CPB2: variants seen among roughly 807,000 people sequenced by gnomAD.
The protein encoded by CPB2 is carboxypeptidase B2, also known as carboxypeptidase B-like protein.
CPB2 carries 54 observed loss-of-function variants against 57.0 expected under a neutral mutation model. The ratio of observed to expected loss-of-function variants is 0.95; its 90% CI spans 0.76 to 1.19. CPB2 has a LOEUF of 1.19. Ranked by LOEUF, CPB2 falls within the 50% of genes most tolerant of loss-of-function variation. CPB2 has a pLI of 0.00. For missense variants in CPB2, 426 were observed against 512.0 expected (o/e 0.83, Z 1.62); for synonymous variants, 189 against 178.1 (o/e 1.06, Z -0.49).
At chr13:46,080,923 A>C (rs891915316) in intron 4 of CPB2, among the ~76,000 whole-genome samples, 1 of 150,968 alleles carries the variant, frequency 6.6e-6, no homozygotes, top group Non-Finnish European at 1.5e-5. Flanking sequence ...AGTGAGCCAA[A>C]ATCATGCTAT....
At chr13:46,090,698 A>G (rs2045279864) in intron 1 of CPB2, among the ~76,000 whole-genome samples, 1 of 148,640 alleles carries the variant, frequency 6.7e-6, no homozygotes, top group Non-Finnish European at 1.5e-5. Flanking sequence ...CAAAAGTTTT[A>G]CAATTTTATC....
intron 10 of CPB2, 43 bp downstream of exon 10, chr13:46,055,719 T>C (rs527987522): frequency 8.5e-7 from 1 of 1,175,874 alleles, no homozygotes; most frequent in African/African-American, 1.5e-5. Context: ...CAGATTTCTT[T>C]AGTAGCTCAA....
At chr13:46,060,391 G>A (rs552773441) in intron 8 of CPB2, among the ~76,000 whole-genome samples, 1 of 151,856 alleles carries the variant, frequency 6.6e-6, no homozygotes, top group South Asian at 2.1e-4. Flanking sequence ...GAACCCAGGA[G>A]GCAGAGGTTG....
At chr13:46,099,304 G>T (rs2045405147) in intron 1 of CPB2, 1 of 152,202 alleles carries the variant, frequency 6.6e-6, no homozygotes, top group Admixed American at 6.5e-5. Flanking sequence ...GAATGGCAGG[G>T]TAGGACCTGA....
In CPB2 at chr13:46,055,853, G is replaced by A. The variant is rs1050978202; in HGVS notation, c.1000-4C>T. 4 of 1,534,124 alleles carry A rather than the reference G, an allele frequency of 2.6e-6. No homozygotes were observed. The highest frequency in any genetic ancestry group is 1.4e-5 in the African/African-American group (1 of 72,290). On this transcript the variant is annotated splice_polypyrimidine_tract_variant and splice_region_variant and intron_variant, in intron 9 of 10. Transcript: ENST00000181383. ...CTGCTTCACTGGCTACTAGAGACTG[G>A]AAGCAACAAGATATAGAATTTCAGT...
chr13:46,082,162 T>C (rs1449513513), intron 4 of CPB2, among the ~76,000 whole-genome samples: 1 of 152,220 alleles, frequency 6.6e-6, no homozygotes, highest in African/African-American at 2.4e-5. Context: ...GCCCCAATTC[T>C]TTAATTTCTG....
At chr13:46,086,235 C>T (rs1275456144) in intron 2 of CPB2, among the ~76,000 whole-genome samples, 1 of 152,128 alleles carries the variant, frequency 6.6e-6, no homozygotes, top group Admixed American at 6.5e-5. Flanking sequence ...CACAACGTGG[C>T]AAGCAAGGGG....
At chr13:46,067,124 G>C (rs2044868235) in intron 7 of CPB2, among the ~76,000 whole-genome samples, 183 bp downstream of exon 7, 1 of 151,854 alleles carries the variant, frequency 6.6e-6, no homozygotes, top group African/African-American at 2.4e-5. Flanking sequence ...ATGATGGGTA[G>C]ATAGAAGTTT....
chr13:46,078,309 G>A (rs1265056420), intron 5 of CPB2, among the ~76,000 whole-genome samples: 2 of 151,566 alleles, frequency 1.3e-5, no homozygotes, highest in Non-Finnish European at 2.9e-5. Flanking sequence ...TTCTGTTAGT[G>A]TTTGTCCCCT....
At chr13:46,072,127 A>T (rs2044951950) in intron 6 of CPB2, among the ~76,000 whole-genome samples, 1 of 152,174 alleles carries the variant, frequency 6.6e-6, no homozygotes, top group Admixed American at 6.5e-5. Flanking sequence ...AGAGTACATG[A>T]ATGAGAAGCT....
chr13:46,086,900 G>A (rs1423521501), intron 2 of CPB2, among the ~76,000 whole-genome samples: 2 of 152,240 alleles, frequency 1.3e-5, no homozygotes, highest in Non-Finnish European at 2.9e-5. Flanking sequence ...AGCCAGCCAG[G>A]TTGTGACAAC....
chr13:46,092,980 T>C (rs2045315013), intron 1 of CPB2, among the ~76,000 whole-genome samples: 1 of 152,220 alleles, frequency 6.6e-6, no homozygotes, highest in African/African-American at 2.4e-5. Context: ...TGGCGTGATC[T>C]TGGCTCACTG....
chr13:46,075,474 G>A (rs568535450), intron 5 of CPB2, among the ~76,000 whole-genome samples: 29 of 152,294 alleles, frequency 1.9e-4, no homozygotes, highest in South Asian at 1.0e-3. Flanking sequence ...ATTTTTCAAC[G>A]TGTACAGGTT....
At chr13:46,082,921 G>A (rs564454896) in intron 3 of CPB2, among the ~76,000 whole-genome samples, 1 of 151,060 alleles carries the variant, frequency 6.6e-6, no homozygotes, top group Non-Finnish European at 1.5e-5. Flanking sequence ...GCTGTTTTCA[G>A]TTAAAGAGGA....
intron 8 of CPB2, among the ~76,000 whole-genome samples, chr13:46,060,810 T>C (rs539224930): frequency 5.9e-5 from 9 of 152,142 alleles, no homozygotes; most frequent in Non-Finnish European, 1.3e-4. Flanking sequence ...AGGTCGAGAC[T>C]CTGCTTTACC....
intron 1 of CPB2, among the ~76,000 whole-genome samples, chr13:46,096,735 C>T (rs1179509055): frequency 6.6e-6 from 1 of 151,978 alleles, no homozygotes; most frequent in African/African-American, 2.4e-5. Context: ...GCTAATATCG[C>T]ACCACTGCAC....
At chr13:46,104,226 T>G (rs1489824427) in intron 1 of CPB2, among the ~76,000 whole-genome samples, 1 of 152,152 alleles carries the variant, frequency 6.6e-6, no homozygotes, top group Non-Finnish European at 1.5e-5. Context: ...GAGAAAGCGA[T>G]CATAGAACCA....
At chr13:46,076,187 T>C (rs569822992) in intron 5 of CPB2, among the ~76,000 whole-genome samples, 1 of 152,176 alleles carries the variant, frequency 6.6e-6, no homozygotes, top group Non-Finnish European at 1.5e-5. Flanking sequence ...GCATCTAAAT[T>C]GGAAGGGAAA....
chr13:46,100,103 A>T (rs533545050), intron 1 of CPB2: 1 of 152,128 alleles, frequency 6.6e-6, no homozygotes, highest in Admixed American at 6.6e-5. Context: ...TGTATTAAAG[A>T]AGGAGAAAAG....
Sources: allele counts gnomAD v4.1 joint callset (sites outside exome capture counted in the v4.1 genomes callset), GRCh38; gene constraint gnomAD v4.1.1; transcripts MANE v1.5; gene names NCBI Gene and HGNC (gene_info 2026-07-23, HGNC 2026-07-21).